Variants in SORCS2 observed in about 807,000 individuals in gnomAD.
SORCS2 encodes VPS10 domain-containing receptor SorCS2.
SORCS2 carries 100 observed loss-of-function variants against 141.6 expected under a neutral mutation model. The ratio of observed to expected loss-of-function variants is 0.71; its 90% CI spans 0.60 to 0.83. The LOEUF (loss-of-function observed/expected upper bound fraction) is 0.83. Ranked by LOEUF, SORCS2 falls within the 40% of genes least tolerant of loss-of-function variation. The pLI is 0.00. For missense variants in SORCS2, 1,646 were observed against 1,560.2 expected (o/e 1.05, Z -0.93); for synonymous variants, 789 against 676.9 (o/e 1.17, Z -2.57).
chr4:7,358,406 C>T (rs1001745492), intron 1 of SORCS2, among the ~76,000 whole-genome samples: 23 of 152,228 alleles, frequency 1.5e-4, no homozygotes, highest in African/African-American at 5.5e-4. Context: ...AGTCACACTC[C>T]TGAGAGGCTG....
intron 5 of SORCS2, among the ~76,000 whole-genome samples, chr4:7,655,202 T>TACACACACACAC (rs144046004): frequency 0.019 from 2,810 of 148,942 alleles, 92 homozygotes; most frequent in African/African-American, 0.065. Flanking sequence ...CTTGTGCGTG[T>TACACACACACAC]ACACACACAC....
chr4:7,609,028 G>A (rs1009546066), intron 3 of SORCS2, among the ~76,000 whole-genome samples: 1 of 152,028 alleles, frequency 6.6e-6, no homozygotes, highest in Non-Finnish European at 1.5e-5. Flanking sequence ...GAGGTTCTGA[G>A]CGGTCCTGGG....
intron 10 of SORCS2, among the ~76,000 whole-genome samples, chr4:7,684,814 C>T (rs183746334): frequency 4.6e-4 from 70 of 152,262 alleles, no homozygotes; most frequent in Non-Finnish European, 2.2e-4. Context: ...GGTGAGCCCC[C>T]TCCCCACCAC....
chr4:7,363,199 T>TCAC (rs199942866), intron 1 of SORCS2, among the ~76,000 whole-genome samples: 108 of 148,094 alleles, frequency 7.3e-4, no homozygotes, highest in African/African-American at 2.4e-3. Context: ...ACCTTCACCG[T>TCAC]CACCACCACC....
intron 3 of SORCS2, among the ~76,000 whole-genome samples, chr4:7,556,561 C>T (rs1216965426): frequency 1.3e-5 from 2 of 152,184 alleles, no homozygotes; most frequent in Admixed American, 1.3e-4. Context: ...GGGAAATCTG[C>T]ACAAAGTTCA....
At chr4:7,451,275 TCAG>T (rs1208142197) in intron 2 of SORCS2, among the ~76,000 whole-genome samples, 2 of 152,192 alleles carry the variant, frequency 1.3e-5, no homozygotes, top group African/African-American at 2.4e-5. Flanking sequence ...GCCTAGGTCT[TCAG>T]CAGCAGCAGC....
chr4:7,712,632 G>T, intron 14 of SORCS2, 101 bp from the exon 15 acceptor site: 2 of 1,508,690 alleles, frequency 1.3e-6, no homozygotes, highest in African/African-American at 1.4e-5. Flanking sequence ...CTGTGCCCAT[G>T]GTACAGGTAG....
chr4:7,725,074 G>A, intron 19 of SORCS2, 80 bp from the exon 20 acceptor site: 5 of 1,482,206 alleles, frequency 3.4e-6, no homozygotes, highest in African/African-American at 1.5e-5. Flanking sequence ...GAAGTTGCTG[G>A]TGACAGTGAT....
intron 3 of SORCS2, among the ~76,000 whole-genome samples, chr4:7,598,713 C>A (rs115150277): frequency 6.6e-6 from 1 of 152,228 alleles, no homozygotes; most frequent in Non-Finnish European, 1.5e-5. Context: ...GAAAACCTCA[C>A]GCAATGGCTT....
At chr4:7,686,656 CT>C (rs1723895816) in intron 10 of SORCS2, among the ~76,000 whole-genome samples, 1 of 152,196 alleles carries the variant, frequency 6.6e-6, no homozygotes, top group African/African-American at 2.4e-5. Context: ...GGTTCTGGGG[CT>C]CCTGATGCGC....
chr4:7,278,924 T>C (rs1280734511), intron 1 of SORCS2, among the ~76,000 whole-genome samples: 3 of 152,166 alleles, frequency 2.0e-5, no homozygotes, highest in Non-Finnish European at 4.4e-5. Flanking sequence ...ATCTCCTACA[T>C]TGGGCATCCA....
chr4:7,408,030 C>T (rs140356354), intron 2 of SORCS2, among the ~76,000 whole-genome samples: 1 of 152,240 alleles, frequency 6.6e-6, no homozygotes, highest in East Asian at 1.9e-4. Context: ...ACCTATTTCT[C>T]AGCAAGTTGT....
At chr4:7,673,797 G>A (rs1722932656) in intron 8 of SORCS2, among the ~76,000 whole-genome samples, 2 of 152,094 alleles carry the variant, frequency 1.3e-5, no homozygotes, top group South Asian at 2.1e-4. Context: ...GCATCCTGAC[G>A]ACATGGTTGA....
rs189907313 is a variant in SORCS2 at position 7,229,768 on chromosome 4, A to G, written c.480+36642A>G. Among the ~76,000 whole-genome samples, 54 of 152,068 alleles carry G rather than the reference A, an allele frequency of 3.6e-4. No homozygotes were observed. The East Asian group carries it at 9.3e-3, about 26-fold the overall frequency. ...CAGGAGCAGTGTCATGTGCTCATGT[A>G]TGAAGGAGATGAAGATGGTCCAGTC... On this transcript the variant is annotated intron_variant, in intron 1 of 26. Transcript: ENST00000507866.
At chr4:7,544,016 C>T (rs1250909602) in intron 3 of SORCS2, among the ~76,000 whole-genome samples, 3,347 of 141,278 alleles carry the variant, frequency 0.024, 186 homozygotes, top group Non-Finnish European at 0.028. Flanking sequence ...ATCCATCCAC[C>T]CATCCATCCA....
At chr4:7,671,876 C>CT (rs1383860737) in intron 8 of SORCS2, among the ~76,000 whole-genome samples, 5 of 138,256 alleles carry the variant, frequency 3.6e-5, no homozygotes, top group Middle Eastern at 4.2e-3. Context: ...TCAACAAACT[C>CT]TAAGAATGAT....
At chr4:7,463,052 G>C (rs976889117) in intron 2 of SORCS2, among the ~76,000 whole-genome samples, 2 of 151,758 alleles carry the variant, frequency 1.3e-5, no homozygotes, top group Admixed American at 6.6e-5. Context: ...CCCCACAAAG[G>C]CCCCTCCAGT....
At chr4:7,218,010 G>A (rs556499200) in intron 1 of SORCS2, among the ~76,000 whole-genome samples, 104 of 152,246 alleles carry the variant, frequency 6.8e-4, no homozygotes, top group African/African-American at 2.3e-3. Flanking sequence ...CTCTGTGGCC[G>A]GGCTTCCCCA....
intron 1 of SORCS2, among the ~76,000 whole-genome samples, chr4:7,299,799 C>T (rs1231781334): frequency 6.6e-6 from 1 of 152,202 alleles, no homozygotes; most frequent in Non-Finnish European, 1.5e-5. Context: ...TCAAGCTCTG[C>T]AACGGACCCC....
Sources: gnomAD v4.1 joint callset for allele counts (sites outside exome capture counted in the v4.1 genomes callset) on GRCh38, gnomAD v4.1.1 for gene constraint, MANE v1.5 for transcripts, NCBI Gene and HGNC (gene_info 2026-07-23, HGNC 2026-07-21) for gene names.